DNAJB14: variants seen among roughly 807,000 people sequenced by gnomAD.
The protein encoded by DNAJB14 is dnaJ homolog subfamily B member 14.
Under a neutral mutation model 48.4 loss-of-function variants are expected in DNAJB14, and 22 were observed. That is an observed-to-expected ratio of 0.45 (90% CI 0.32 to 0.65). DNAJB14 has a LOEUF of 0.65. Among genes scored for constraint, DNAJB14 ranks in the 30% least tolerant of loss-of-function variants. DNAJB14 has a pLI of 0.03. For missense variants in DNAJB14, 319 were observed against 458.8 expected, an observed-to-expected ratio of 0.70 and a Z score of 2.78; for synonymous variants, 142 against 158.7, an observed-to-expected ratio of 0.89 and a Z score of 0.79.
intron 1 of DNAJB14, among the ~76,000 whole-genome samples, chr4:99,932,937 A>T (rs1198621351): frequency 6.6e-6 from 1 of 152,228 alleles, no homozygotes; most frequent in East Asian, 1.9e-4. Context: ...GCAAATCTAC[A>T]GGGACAGAAA....
intron 1 of DNAJB14, among the ~76,000 whole-genome samples, chr4:99,940,949 A>ATT (rs1289628604): frequency 2.7e-5 from 4 of 150,654 alleles, no homozygotes; most frequent in African/African-American, 9.7e-5. Context: ...ATATATATAT[A>ATT]TATTTTTTTT....
intron 3 of DNAJB14, among the ~76,000 whole-genome samples, chr4:99,917,737 T>C (rs1725907031): frequency 6.6e-6 from 1 of 152,242 alleles, no homozygotes; most frequent in African/African-American, 2.4e-5. Flanking sequence ...TCCTGAAAGA[T>C]ATTTTTGCTG....
intron 3 of DNAJB14, among the ~76,000 whole-genome samples, chr4:99,921,861 A>G (rs1726074098): frequency 6.6e-6 from 1 of 152,180 alleles, no homozygotes; most frequent in African/African-American, 2.4e-5. Flanking sequence ...AAATTAACCT[A>G]AGTGCTATTA....
In DNAJB14 at chr4:99,897,104, A is replaced by C. The variant is rs1725162083; in HGVS notation, c.*3924T>G. 1 of 151,814 alleles carries C rather than the reference A, an allele frequency of 6.6e-6. No individual in the cohort carries two copies. Among genetic ancestry groups the C allele is most frequent in the Non-Finnish European group, 1.5e-5 (1 of 67,846 alleles). The allele number at this position is 151,814 out of a possible 1,614,324, so 9.4% of individuals were successfully genotyped here. A position where few individuals can be genotyped will look rare whatever the true frequency, so the allele number is the denominator to read the frequency against. ...GATTTTCAAAGTCAGACATAAAAAT[A>C]TCCACTGCTAATGGAAGCCCTGCTC... On this transcript the variant is annotated 3_prime_UTR_variant, in exon 8 of 8. Coordinates refer to ENST00000442697, the MANE Select transcript of DNAJB14 (RefSeq NM_001031723.4).
intron 3 of DNAJB14, chr4:99,910,375 C>T (rs1010696940): frequency 6.6e-6 from 1 of 151,816 alleles, no homozygotes. Flanking sequence ...TTAACTCATA[C>T]CTAAAAAAAG....
intron 2 of DNAJB14, chr4:99,926,958 C>T (rs1726279972): frequency 6.6e-6 from 1 of 152,144 alleles, no homozygotes. Context: ...TAAGTTTTCA[C>T]ACCTGAATGA....
intron 2 of DNAJB14, chr4:99,929,963 C>CT (rs1314300133): frequency 2.0e-5 from 3 of 152,124 alleles, no homozygotes; most frequent in East Asian, 1.9e-4. Context: ...CTTTTCAACT[C>CT]TAACATTTCT....
chr4:99,903,370 T>C (rs1171778122), intron 7 of DNAJB14, among the ~76,000 whole-genome samples: 1 of 152,004 alleles, frequency 6.6e-6, no homozygotes, highest in Non-Finnish European at 1.5e-5. Flanking sequence ...CTGAAAACAG[T>C]ATGCATCTTA....
intron 1 of DNAJB14, 101 bp downstream of exon 1, chr4:99,946,338 G>C (rs894806359): frequency 6.6e-7 from 1 of 1,517,874 alleles, no homozygotes. Context: ...AGACAGGCCG[G>C]GGGCCCCGCA....
chr4:99,908,723 C>T lies in DNAJB14; in HGVS notation c.625G>A (p.Gly209Arg), dbSNP rs1725552407. The T allele has an allele frequency of 6.3e-7, 1 of 1,584,564 alleles. No individual in the cohort carries two copies. Residue 209 changes from glycine to arginine, a missense_variant, in exon 4 of 8, where the codon GGA (glycine) becomes AGA (arginine). By Grantham distance (125) the Gly-to-Arg change is moderately radical (BLOSUM62 -2). Transcript: ENST00000442697. ...TACATTAAAATACCTGAAGGAAATC[C>T]ACCCCCAAAAAATATATTAAACAAG... ...EDLFNIFFGG[G>R]FPSGSVHSFS...
intron 3 of DNAJB14, among the ~76,000 whole-genome samples, chr4:99,914,615 C>G (rs1696149357): frequency 6.6e-6 from 1 of 151,786 alleles, no homozygotes; most frequent in Non-Finnish European, 1.5e-5. Context: ...GCACGTTGTG[C>G]ACATGTACCC....
chr4:99,946,112 A>G (rs1727057817), intron 1 of DNAJB14, among the ~76,000 whole-genome samples: 1 of 152,226 alleles, frequency 6.6e-6, no homozygotes, highest in Non-Finnish European at 1.5e-5. Flanking sequence ...CACAGATACA[A>G]ATAAAGCCTC....
intron 4 of DNAJB14, 33 bp from the exon 5 acceptor site, chr4:99,906,644 G>C (rs1345090725): frequency 1.1e-5 from 16 of 1,502,312 alleles, no homozygotes; most frequent in Non-Finnish European, 1.5e-5. Context: ...AAATTAGGGA[G>C]AGCAATTATG....
rs1727073564 is a variant in DNAJB14 at position 99,946,318 on chromosome 4, G to A, written c.133+121C>T. ...ATGCTCCCCACCGGGCCTGGGGCTGGGGCTGGCTCAGACAGGCCGGGGGCC... is the reference window on the plus strand; with the variant it reads ...ATGCTCCCCACCGGGCCTGGGGCTGAGGCTGGCTCAGACAGGCCGGGGGCC... On this transcript the variant is annotated intron_variant, in intron 1 of 7. Coordinates refer to ENST00000442697, the MANE Select transcript of DNAJB14 (RefSeq NM_001031723.4). 4.1e-6 allele frequency: 6 copies of A among 1,461,966 alleles called. No individual in the cohort carries two copies. In the East Asian group the frequency reaches 9.9e-5, roughly 24 times the overall value. 90.6% of individuals were successfully genotyped at this position (1,461,966 alleles called of 1,614,324 possible).
intron 1 of DNAJB14, among the ~76,000 whole-genome samples, chr4:99,931,658 AAT>A (rs931592416): frequency 2.0e-5 from 3 of 151,916 alleles, no homozygotes; most frequent in African/African-American, 7.2e-5. Flanking sequence ...CCAACTAGTG[AAT>A]ATCTCTTTCT....
chr4:99,939,300 T>C (rs1046036983), intron 1 of DNAJB14, among the ~76,000 whole-genome samples: 1 of 152,208 alleles, frequency 6.6e-6, no homozygotes, highest in African/African-American at 2.4e-5. Context: ...AGATGGAGGT[T>C]GCAGTGAGCC....
Position 99,903,263 on chromosome 4 carries a change from CTG to C in DNAJB14, c.1015+461_1015+462del, listed in dbSNP as rs1164356342. Among the ~76,000 whole-genome samples, 5 of 152,160 alleles carry C rather than the reference CTG, an allele frequency of 3.3e-5. No homozygotes were observed. The East Asian group carries it at 5.8e-4, about 18-fold the overall frequency. ...AAATGAAGTGTTCTGAAGAGTCTCT[CTG>C]TGTACAAAGTAAAGAAAAAAGAAAT... On this transcript the variant is annotated intron_variant, in intron 7 of 7. Coordinates refer to ENST00000442697, the MANE Select transcript of DNAJB14 (RefSeq NM_001031723.4).
intron 2 of DNAJB14, chr4:99,923,835 G>A (rs1320460510): frequency 1.1e-5 from 11 of 984,274 alleles, no homozygotes; most frequent in Middle Eastern, 5.2e-4. Context: ...CACTGCACCC[G>A]GCCATCCCCG....
intron 1 of DNAJB14, among the ~76,000 whole-genome samples, chr4:99,945,852 C>T (rs774140270): frequency 1.3e-5 from 2 of 152,220 alleles, no homozygotes; most frequent in Non-Finnish European, 2.9e-5. Flanking sequence ...ATCAGATACT[C>T]TTCAGCAATC....
Sources: gnomAD v4.1 joint callset for allele counts (sites outside exome capture counted in the v4.1 genomes callset) on GRCh38, gnomAD v4.1.1 for gene constraint, MANE v1.5 for transcripts, NCBI Gene and HGNC (gene_info 2026-07-23, HGNC 2026-07-21) for gene names.